The following TNR variants were observed in gnomAD, a reference collection of about 807,000 sequenced individuals.
TNR encodes tenascin R.
In TNR, 45 loss-of-function variants were observed where a neutral mutation model predicts 150.4. The ratio of observed to expected loss-of-function variants is 0.30; its 90% CI spans 0.24 to 0.38. The LOEUF (loss-of-function observed/expected upper bound fraction) is 0.38. Ranked by LOEUF, TNR falls within the 10% of genes least tolerant of loss-of-function variation. The probability of loss-of-function intolerance (pLI) is 1.00; values close to 1 mark genes in which losing one functional copy is unlikely to be tolerated. For synonymous variants in TNR, 687 were observed against 678.4 expected (o/e 1.01, Z -0.20); for missense variants, 1,544 against 1,759.1 (o/e 0.88, Z 2.19).
At chr1:175,330,830 T>C (rs375728846) in intron 20 of TNR, among the ~76,000 whole-genome samples, 2 of 152,224 alleles carry the variant, frequency 1.3e-5, no homozygotes, top group African/African-American at 4.8e-5. Flanking sequence ...CTAATCTGCC[T>C]GCTACATTTG....
chr1:175,687,421 A>G (rs970329047), intron 1 of TNR, among the ~76,000 whole-genome samples: 1 of 152,118 alleles, frequency 6.6e-6, no homozygotes, highest in Non-Finnish European at 1.5e-5. Flanking sequence ...CCAAATGTTC[A>G]GTCTGCATTA....
chr1:175,564,429 T>C (rs1661556027), intron 1 of TNR, among the ~76,000 whole-genome samples: 1 of 152,264 alleles, frequency 6.6e-6, no homozygotes, highest in Non-Finnish European at 1.5e-5. Flanking sequence ...TTAGAAAATC[T>C]CGTGAGTGGT....
chr1:175,426,971 T>C (rs1571423816), intron 2 of TNR, among the ~76,000 whole-genome samples: 1 of 136,796 alleles, frequency 7.3e-6, no homozygotes, highest in African/African-American at 2.8e-5. Context: ...AAATATATTA[T>C]ATATATATTA....
rs1557868608 is a variant in TNR, at chr1:175,331,165, C to CTTT, written c.3632-931_3632-930insAAA. 1.7e-3 allele frequency among the ~76,000 whole-genome samples: 63 copies of CTTT among 37,602 alleles called. 1 individual carries two copies. Among genetic ancestry groups the CTTT allele is most frequent in the African/African-American group, 4.4e-3 (46 of 10,496 alleles). 24.7% of individuals were successfully genotyped at this position (37,602 alleles called of 152,430 possible). On this transcript the variant is annotated intron_variant, in intron 20 of 22. Transcript: ENST00000367674. The stretch of plus-strand genomic sequence containing the variant: ...TTTCTTCCTTTCTTTCTTTTTCTTT[C>CTTT]CTTCCTTCCTTCCTTCCTTCCTTCC...
chr1:175,405,066 G>A (rs1176360206), intron 3 of TNR, among the ~76,000 whole-genome samples: 2 of 152,146 alleles, frequency 1.3e-5, no homozygotes, highest in East Asian at 1.9e-4. Context: ...TTTCATCCCC[G>A]TGAAAGCCTT....
At chr1:175,708,460 C>T (rs780065581) in intron 1 of TNR, among the ~76,000 whole-genome samples, 4 of 152,198 alleles carry the variant, frequency 2.6e-5, no homozygotes, top group Non-Finnish European at 5.9e-5. Context: ...TCTCATCAAA[C>T]GTCTGTACCA....
chr1:175,646,482 C>T (rs1664813312), intron 1 of TNR, among the ~76,000 whole-genome samples: 1 of 152,266 alleles, frequency 6.6e-6, no homozygotes, highest in East Asian at 1.9e-4. Flanking sequence ...TTAGAGACTC[C>T]CTCTTGTAGG....
chr1:175,396,826 CA>C lies in TNR; in HGVS notation c.977-20del, dbSNP rs1557906843. On this transcript the variant is annotated intron_variant, in intron 4 of 22. Transcript: ENST00000367674. ...GGGGCAACTACCGGGAGGCAATACA[CA>C]GATAGCATGAGCTCAGAGGATTGCC... is the stretch of plus-strand genomic sequence containing the variant. 2 of 1,606,740 alleles carry C rather than the reference CA, an allele frequency of 1.2e-6. No homozygotes were observed. The highest frequency in any genetic ancestry group is 2.2e-5 in the South Asian group (2 of 90,260).
intron 1 of TNR, among the ~76,000 whole-genome samples, chr1:175,731,224 GGAC>G (rs1667631528): frequency 6.6e-6 from 1 of 152,080 alleles, no homozygotes; most frequent in African/African-American, 2.4e-5. Context: ...CCCAATTACA[GGAC>G]AACAAAAGGA....
intron 2 of TNR, among the ~76,000 whole-genome samples, chr1:175,421,678 G>A (rs1654760737): frequency 6.6e-6 from 1 of 152,164 alleles, no homozygotes; most frequent in African/African-American, 2.4e-5. Flanking sequence ...AATATTTATT[G>A]CCTTTCTCCA....
chr1:175,331,071 TTCTTTC>T (rs1649814583), intron 20 of TNR, among the ~76,000 whole-genome samples: 5 of 124,054 alleles, frequency 4.0e-5, no homozygotes, highest in East Asian at 2.2e-4. Flanking sequence ...CTTTCTTTCT[TTCTTTC>T]CTTCTTTCTT....
At chr1:175,507,225 G>A (rs151071585) in intron 2 of TNR, among the ~76,000 whole-genome samples, 4 of 152,302 alleles carry the variant, frequency 2.6e-5, no homozygotes, top group African/African-American at 7.2e-5. Context: ...ACAGGCCAAC[G>A]AGGATGGAGT....
At chr1:175,339,758 A>C (rs1236007481) in intron 18 of TNR, among the ~76,000 whole-genome samples, 1 of 152,132 alleles carries the variant, frequency 6.6e-6, no homozygotes, top group Non-Finnish European at 1.5e-5. Context: ...CAGAACCCCA[A>C]ATTTCTTTCC....
At chr1:175,653,283 G>C (rs766952834) in intron 1 of TNR, among the ~76,000 whole-genome samples, 1 of 152,230 alleles carries the variant, frequency 6.6e-6, no homozygotes, top group African/African-American at 2.4e-5. Context: ...TGATTAAAAC[G>C]TAGCCAACGC....
intron 9 of TNR, among the ~76,000 whole-genome samples, chr1:175,375,117 C>T (rs1652314096): frequency 6.6e-6 from 1 of 151,646 alleles, no homozygotes; most frequent in Non-Finnish European, 1.5e-5. Flanking sequence ...AAATCTTCTC[C>T]CTCCCTTCTC....
rs545570368 is a variant in TNR at position 175,476,954 on chromosome 1, T to C, written c.-64+51315A>G. Among the ~76,000 whole-genome samples, 130 of 152,288 alleles carry C rather than the reference T, an allele frequency of 8.5e-4. 1 individual carries two copies. Among genetic ancestry groups the C allele is most frequent in the Middle Eastern group, 3.4e-3 (1 of 294 alleles). On this transcript the variant is annotated intron_variant, in intron 2 of 22. Coordinates refer to ENST00000367674, the MANE Select transcript of TNR (RefSeq NM_003285.3). ...GTAGGATTCTGTAATAGAATTACAGTTCCTTCCTCTAACTATGTTTTAAGG... is the reference window on the plus strand; with the variant it reads ...GTAGGATTCTGTAATAGAATTACAGCTCCTTCCTCTAACTATGTTTTAAGG...
At chr1:175,556,390 C>G (rs10489313) in intron 1 of TNR, among the ~76,000 whole-genome samples, 20,404 of 152,272 alleles carry the variant, frequency 0.13, 1,492 homozygotes, top group Non-Finnish European at 0.17. Context: ...CAGAACCAAG[C>G]CTGATTTTAG....
intron 9 of TNR, among the ~76,000 whole-genome samples, chr1:175,377,683 C>G (rs1652473004): frequency 1.3e-5 from 2 of 152,084 alleles, no homozygotes; most frequent in African/African-American, 2.4e-5. Flanking sequence ...GCAAGGTGGT[C>G]TGGGATTTCA....
chr1:175,577,023 C>T (rs537688571), intron 1 of TNR, among the ~76,000 whole-genome samples: 3 of 152,260 alleles, frequency 2.0e-5, no homozygotes, highest in African/African-American at 4.8e-5. Context: ...AAGCATGCCC[C>T]CTGGGGGTTT....
Sources: allele counts gnomAD v4.1 joint callset (sites outside exome capture counted in the v4.1 genomes callset), GRCh38; gene constraint gnomAD v4.1.1; transcripts MANE v1.5; gene names NCBI Gene and HGNC (gene_info 2026-07-23, HGNC 2026-07-21).